Variants in HSPG2 observed in about 807,000 individuals in gnomAD.
The protein encoded by HSPG2 is basement membrane-specific heparan sulfate proteoglycan core protein.
HSPG2 carries 278 observed loss-of-function variants against 526.6 expected under a neutral mutation model. That is an observed-to-expected ratio of 0.53 (90% CI 0.48 to 0.58). The LOEUF (loss-of-function observed/expected upper bound fraction) is 0.58. HSPG2 is among the 20% of genes least tolerant of loss of function. The pLI, the probability that HSPG2 is intolerant of heterozygous loss-of-function variation, is 0.00. For missense variants in HSPG2, 5,354 were observed against 6,099.5 expected, an observed-to-expected ratio of 0.88 and a Z score of 4.07; for synonymous variants, 2,465 against 2,555.4, an observed-to-expected ratio of 0.96 and a Z score of 1.07.
At chr1:21,930,044 C>T (rs1040404061) in intron 1 of HSPG2, among the ~76,000 whole-genome samples, 2 of 152,150 alleles carry the variant, frequency 1.3e-5, no homozygotes, top group African/African-American at 2.4e-5. Flanking sequence ...CTTCCCATGG[C>T]CAAAGCTCTG....
At position 21,831,454 on chromosome 1, in the gene HSPG2, G is replaced by A; in HGVS notation, c.11452+9C>T. 6.8e-6 allele frequency: 11 copies of A among 1,613,124 alleles called. No homozygotes were observed. Among genetic ancestry groups the A allele is most frequent in the Non-Finnish European group, 9.3e-6 (11 of 1,179,198 alleles). ...CCCAGCCTCAGCTGGAGGTGGGGAG[G>A]GGGCTCACCTATGAAGCCGCTGCTC... On this transcript the variant is annotated intron_variant, in intron 83 of 96. Coordinates refer to ENST00000374695, the MANE Select transcript of HSPG2 (RefSeq NM_005529.7).
At position 21,829,252 on chromosome 1, in the gene HSPG2, C is replaced by T. The variant is rs897113226; in HGVS notation, c.11992+131G>A. On this transcript the variant is annotated intron_variant, in intron 87 of 96. Coordinates refer to ENST00000374695, the MANE Select transcript of HSPG2 (RefSeq NM_005529.7). ...GGATTGGCCTCAAGTGACACAGAGA[C>T]GAAATGCACAGGAAGAGGGGACTTG... The T allele has an allele frequency of 4.9e-5, 66 of 1,351,014 alleles. 1 individual carries two copies. The highest frequency in any genetic ancestry group is 3.7e-4 in the African/African-American group (26 of 69,348). 83.7% of individuals were successfully genotyped at this position (1,351,014 alleles called of 1,614,324 possible). A position where few individuals can be genotyped will look rare whatever the true frequency, so the allele number is the denominator to read the frequency against.
chr1:21,841,297 A>G lies in HSPG2; in HGVS notation c.9329-12T>C. 6.2e-7 allele frequency: 1 copy of G among 1,613,226 alleles called. No individual in the cohort carries two copies. The stretch of plus-strand genomic sequence containing the variant: ...CACTGTAGGGGGCCCTGTGCGGAGG[A>G]ATGACAACCACTGACACACAGGCAG... On this transcript the variant is annotated splice_polypyrimidine_tract_variant and intron_variant, in intron 70 of 96. Coordinates refer to ENST00000374695, the MANE Select transcript of HSPG2 (RefSeq NM_005529.7).
rs200992640 is a variant in HSPG2 at position 21,887,447 on chromosome 1, C to T, written c.931G>A (p.Glu311Lys). ...DYLCDGQEDC[E>K]DGSDELDCGP... ...CAGTCTAGCTCATCGCTGCCGTCCT[C>T]GCAGTCCTCCTGTCCGTCGCAGAGG... Residue 311 changes from glutamate (E) to lysine (K), a missense_variant, in exon 8 of 97, where the codon GAG becomes AAG. Transcript: ENST00000374695. This position sits in a 1 kb window ranked among gnomAD's most constrained non-coding sequence, Gnocchi z 5.0. The T allele has an allele frequency of 8.7e-6, 14 of 1,613,966 alleles. No individual in the cohort carries two copies. Among genetic ancestry groups the T allele is most frequent in the Non-Finnish European group, 1.1e-5 (13 of 1,180,026 alleles).
At chr1:21,914,267 T>C (rs981167217) in intron 1 of HSPG2, among the ~76,000 whole-genome samples, 1 of 151,642 alleles carries the variant, frequency 6.6e-6, no homozygotes, top group Non-Finnish European at 1.5e-5. Context: ...GGACGGGGAG[T>C]GGCCTGTTGA....
rs763218963 is a variant in HSPG2, at chr1:21,822,308, G to T, written c.*1008C>A. ...AAGACCACAGGAGGGTCCCTTCTAG[G>T]ACACAGAGGCCAGGCGTCCCAACCC... On this transcript the variant is annotated 3_prime_UTR_variant, in exon 97 of 97. Transcript: ENST00000374695. 122 of 1,355,246 alleles carry T rather than the reference G, an allele frequency of 9.0e-5. No individual in the cohort carries two copies. Among genetic ancestry groups the T allele is most frequent in the Non-Finnish European group, 1.2e-4 (114 of 950,558 alleles). 84.0% of individuals were successfully genotyped at this position (1,355,246 alleles called of 1,614,324 possible).
At chr1:21,841,042 C>T in intron 71 of HSPG2, 59 bp downstream of exon 71, 1 of 1,514,676 alleles carries the variant, frequency 6.6e-7, no homozygotes, top group Non-Finnish European at 9.0e-7. Context: ...CTCCAAGCAC[C>T]CGCTCAAGGC....
rs141160393 is a variant in HSPG2, at chr1:21,850,149, C to A, written c.7338G>T (p.Ser2446=). The change falls in exon 57 of 97, where the codon TCG becomes TCT. Residue 2446 remains serine, a synonymous_variant. Transcript: ENST00000374695. ...TPTVRIESSS[S]QVAEGQTLDL... is the part of the protein sequence containing the mutation. Reference sequence around the variant, plus strand: ...CCAGGGTCTGCCCCTCGGCCACTTGCGAAGACGATGACTCGATCCGGACCG... The same window carrying A: ...CCAGGGTCTGCCCCTCGGCCACTTGAGAAGACGATGACTCGATCCGGACCG... The A allele has an allele frequency of 6.2e-7, 1 of 1,613,404 alleles. No homozygotes were observed. The highest frequency in any genetic ancestry group is 8.5e-7 in the Non-Finnish European group (1 of 1,180,030).
chr1:21,902,786 G>A (rs560121054), intron 1 of HSPG2, among the ~76,000 whole-genome samples: 1 of 152,332 alleles, frequency 6.6e-6, no homozygotes, highest in South Asian at 2.1e-4. Context: ...AGGAAGCTGG[G>A]GTCTGGAGTT....
At chr1:21,841,066 G>C in intron 71 of HSPG2, 35 bp downstream of exon 71, 1 of 1,563,356 alleles carries the variant, frequency 6.4e-7, no homozygotes, top group South Asian at 1.2e-5. Context: ...GCCATGGACT[G>C]GGCCTCAGAC....
chr1:21,916,074 A>G (rs557987532), intron 1 of HSPG2, among the ~76,000 whole-genome samples: 8 of 149,856 alleles, frequency 5.3e-5, no homozygotes, highest in African/African-American at 1.7e-4. Context: ...AGAAGAAGAA[A>G]AAAAAAAAAA....
chr1:21,828,346 G>A lies in HSPG2; in HGVS notation c.12318C>T (p.Ser4106=). The change falls in exon 89 of 97, where the codon TCC becomes TCT. Residue 4106 remains serine, a synonymous_variant. Transcript: ENST00000374695. This position sits in a 1 kb window ranked among gnomAD's most constrained non-coding sequence, Gnocchi z 6.0. ...GTTGGCAAGGCTGGCGCTCACATGG[G>A]GAGCTATCATAGCATTGCCCGATGC... ...SQGIGQCYDS[S]PCERQPCQHG... 3 of 1,613,792 alleles carry A rather than the reference G, an allele frequency of 1.9e-6. No individual in the cohort carries two copies. The South Asian group carries it at 3.3e-5, about 18-fold the overall frequency.
chr1:21,895,292 G>A lies in HSPG2; in HGVS notation c.244+630C>T, dbSNP rs900633999. Among the ~76,000 whole-genome samples the A allele has an allele frequency of 6.6e-6, 1 of 152,162 alleles. No individual in the cohort carries two copies. The highest frequency in any genetic ancestry group is 1.5e-5 in the Non-Finnish European group (1 of 68,008). On this transcript the variant is annotated intron_variant, in intron 3 of 96. Transcript: ENST00000374695. This position sits in a 1 kb window ranked among gnomAD's most constrained non-coding sequence, Gnocchi z 4.1. ...CTTCTCCACCCAGTATCCCAGAGTG[G>A]AAGGAAGCAGGGACTATAAGTCCCC...
chr1:21,840,369 G>C (rs972466137), intron 71 of HSPG2, among the ~76,000 whole-genome samples: 1 of 152,076 alleles, frequency 6.6e-6, no homozygotes, highest in Non-Finnish European at 1.5e-5. Flanking sequence ...GCTGTGGCAC[G>C]ATCTCTGCTC....
At position 21,887,768 on chromosome 1, in the gene HSPG2, CAACA is replaced by C; in HGVS notation, c.704-98_704-95del. 6.3e-7 allele frequency: 1 copy of C among 1,577,598 alleles called. No individual in the cohort carries two copies. ...CTCCCCAGGCCCACCCTGTACTCCC[CAACA>C]CCACTCCCTGCCACCCCCTGCCTGG... On this transcript the variant is annotated intron_variant, in intron 7 of 96. Transcript: ENST00000374695. This position sits in a 1 kb window ranked among gnomAD's most constrained non-coding sequence, Gnocchi z 5.0.
At position 21,859,527 on chromosome 1, in the gene HSPG2, G is replaced by T; in HGVS notation, c.5293+39C>A. 1 of 1,442,160 alleles carries T rather than the reference G, an allele frequency of 6.9e-7. No individual in the cohort carries two copies. Among genetic ancestry groups the T allele is most frequent in the Non-Finnish European group, 9.6e-7 (1 of 1,045,064 alleles). The allele number at this position is 1,442,160 out of a possible 1,614,324, so 89.3% of individuals were successfully genotyped here. ...AATCTGCAGCCTGCAGCCCAGCCCA[G>T]GACAGGCAGTCTTGGTTACAGGGGG... is the stretch of plus-strand genomic sequence containing the variant. On this transcript the variant is annotated intron_variant, in intron 42 of 96. Coordinates refer to ENST00000374695, the MANE Select transcript of HSPG2 (RefSeq NM_005529.7). This position sits in a 1 kb window ranked among gnomAD's most constrained non-coding sequence, Gnocchi z 5.3.
In HSPG2 at chr1:21,887,858, G is replaced by C. The variant is rs1290098718; in HGVS notation, c.703+80C>G. ...CCTGCACCAAACCCTCATAGTCCTT[G>C]ATGGGCTCCAAGACCCAGGTGTAGG... On this transcript the variant is annotated intron_variant, in intron 7 of 96. Transcript: ENST00000374695. This position sits in a 1 kb window ranked among gnomAD's most constrained non-coding sequence, Gnocchi z 5.0. 1.9e-6 allele frequency: 3 copies of C among 1,604,454 alleles called. No homozygotes were observed. The highest frequency in any genetic ancestry group is 2.2e-5 in the East Asian group (1 of 44,788).
At position 21,884,634 on chromosome 1, in the gene HSPG2, G is replaced by A. The variant is rs763579802; in HGVS notation, c.1548C>T (p.Ala516=). 6 of 1,611,514 alleles carry A rather than the reference G, an allele frequency of 3.7e-6. No homozygotes were observed. The highest frequency in any genetic ancestry group is 1.7e-5 in the Admixed American group (1 of 59,984). The change falls in exon 13 of 97, where the codon GCC becomes GCT. Residue 516 remains alanine (A), a synonymous_variant. Transcript: ENST00000374695. ...CAAAGCAGAAGCAGGGCAGGCAGGC[G>A]GCGCTGTGCTCCAGGTAGAAGTGGC... ...PDGHFYLEHS[A]ACLPCFCFGI...
intron 1 of HSPG2, among the ~76,000 whole-genome samples, chr1:21,915,800 A>G (rs1433212142): frequency 6.6e-6 from 1 of 152,226 alleles, no homozygotes; most frequent in Non-Finnish European, 1.5e-5. Flanking sequence ...CTATAATCCC[A>G]GCACTTTGGG....
Sources: gnomAD v4.1 joint callset for allele counts (sites outside exome capture counted in the v4.1 genomes callset) on GRCh38, gnomAD v4.1.1 for gene constraint, Gnocchi (gnomAD v3.1) non-coding constraint, MANE v1.5 for transcripts, NCBI Gene and HGNC (gene_info 2026-07-23, HGNC 2026-07-21) for gene names.